Variants in UGP2 observed in about 807,000 individuals in gnomAD.
UGP2 encodes the protein UDP-glucose pyrophosphorylase 2.
UGP2 carries 40 observed loss-of-function variants against 49.0 expected under a neutral mutation model. The ratio of observed to expected loss-of-function variants is 0.82; its 90% confidence interval spans 0.63 to 1.06. The LOEUF is 1.06. UGP2 is among the 50% of genes least tolerant of loss of function. The probability of loss-of-function intolerance (pLI) is 0.00; values close to 1 mark genes in which losing one functional copy is unlikely to be tolerated. For synonymous variants in UGP2, 225 were observed against 213.0 expected (o/e 1.06, Z -0.49); for missense variants, 460 against 603.5 (o/e 0.76, Z 2.49).
At chr2:63,856,252 G>C (rs1669408161) in intron 1 of UGP2, 54 bp from the exon 2 acceptor site, 13 of 1,585,408 alleles carry the variant, frequency 8.2e-6, no homozygotes, top group Middle Eastern at 1.7e-4. Context: ...CTTACCAGCT[G>C]TTTGAATGGC....
intron 1 of UGP2, among the ~76,000 whole-genome samples, chr2:63,853,058 A>T (rs764009607): frequency 1.2e-4 from 18 of 152,126 alleles, no homozygotes; most frequent in Non-Finnish European, 2.4e-4. Context: ...GGAGAGTGGC[A>T]TGAGAATTGA....
At chr2:63,872,534 G>C (rs1670626147) in intron 3 of UGP2, among the ~76,000 whole-genome samples, 2 of 152,128 alleles carry the variant, frequency 1.3e-5, no homozygotes. Context: ...TAAATAATTT[G>C]CCATAGTAAG....
intron 3 of UGP2, among the ~76,000 whole-genome samples, chr2:63,873,665 T>C (rs766584222): frequency 5.3e-5 from 8 of 151,866 alleles, no homozygotes; most frequent in Non-Finnish European, 1.2e-4. Context: ...GCAAGAGATG[T>C]GGTATGTTAG....
chr2:63,863,052 G>T (rs547722551), intron 3 of UGP2: 124 of 307,614 alleles, frequency 4.0e-4, no homozygotes, highest in African/African-American at 2.4e-3. Context: ...AGCTGATAAG[G>T]ATATGGGTCA....
At chr2:63,886,635 C>G (rs919309679) in intron 7 of UGP2, 97 bp downstream of exon 7, 52 of 1,345,610 alleles carry the variant, frequency 3.9e-5, no homozygotes, top group Non-Finnish European at 5.2e-5. Flanking sequence ...CCCATCTATT[C>G]CATTGGTCAC....
At chr2:63,864,198 T>C (rs1222193660) in intron 3 of UGP2, among the ~76,000 whole-genome samples, 4 of 152,170 alleles carry the variant, frequency 2.6e-5, no homozygotes, top group African/African-American at 9.7e-5. Context: ...CATTTAATAT[T>C]CATAACAGAC....
intron 1 of UGP2, among the ~76,000 whole-genome samples, chr2:63,842,916 CGGTGTACTCACTGAAATT>C (rs1671670458): frequency 6.6e-6 from 1 of 152,148 alleles, no homozygotes; most frequent in African/African-American, 2.4e-5. Flanking sequence ...CATGTGTGTA[CGGTGTACTCACTGAAATT>C]GGTGCTGGCA....
rs888512201 is a variant in UGP2 at position 63,856,564 on chromosome 2, A to T, written c.147+131A>T. The stretch of plus-strand genomic sequence containing the variant: ...AGATGTACGATAACATCAAAAACAA[A>T]AAAATTAGAATTGCTTAACAATTAC... On this transcript the variant is annotated intron_variant, in intron 2 of 9. Transcript: ENST00000337130. 1.2e-5 allele frequency: 12 copies of T among 1,035,334 alleles called. No homozygotes were observed. The African/African-American group carries it at 1.9e-4, about 17-fold the overall frequency. 64.1% of individuals were successfully genotyped at this position (1,035,334 alleles called of 1,614,324 possible).
chr2:63,851,301 G>A (rs1173679460), intron 1 of UGP2, among the ~76,000 whole-genome samples: 2 of 152,146 alleles, frequency 1.3e-5, no homozygotes, highest in South Asian at 2.1e-4. Flanking sequence ...ATGACATAAT[G>A]TAGTTTTTTC....
intron 3 of UGP2, among the ~76,000 whole-genome samples, chr2:63,869,245 C>T (rs1403683646): frequency 5.9e-5 from 9 of 152,136 alleles, no homozygotes; most frequent in Non-Finnish European, 1.3e-4. Context: ...GTAGAGAAGG[C>T]GTCTCTAAGT....
At chr2:63,849,894 T>A (rs1668927364) in intron 1 of UGP2, among the ~76,000 whole-genome samples, 1 of 152,232 alleles carries the variant, frequency 6.6e-6, no homozygotes, top group South Asian at 2.1e-4. Context: ...AAAGTTTCTC[T>A]AAATGCACAC....
At chr2:63,880,305 C>G (rs1671214870) in intron 3 of UGP2, among the ~76,000 whole-genome samples, 1 of 151,992 alleles carries the variant, frequency 6.6e-6, no homozygotes, top group Non-Finnish European at 1.5e-5. Context: ...TCCTGGGTAG[C>G]TGGGACTACA....
At chr2:63,874,854 C>G (rs1670809054) in intron 3 of UGP2, among the ~76,000 whole-genome samples, 2 of 151,880 alleles carry the variant, frequency 1.3e-5, no homozygotes, top group Admixed American at 1.3e-4. Context: ...CAGCTCCCCT[C>G]TGCCTTCCAC....
At chr2:63,866,412 T>A (rs1670191135) in intron 3 of UGP2, among the ~76,000 whole-genome samples, 1 of 152,064 alleles carries the variant, frequency 6.6e-6, no homozygotes, top group Admixed American at 6.5e-5. Flanking sequence ...TTCTAAATAA[T>A]TAAATAAGTG....
chr2:63,873,080 C>T (rs1167803236), intron 3 of UGP2, among the ~76,000 whole-genome samples: 2 of 152,180 alleles, frequency 1.3e-5, no homozygotes, highest in African/African-American at 4.8e-5. Flanking sequence ...TTCAAAGATA[C>T]AGGACACACA....
intron 1 of UGP2, among the ~76,000 whole-genome samples, chr2:63,845,100 T>C (rs1211155856): frequency 6.6e-6 from 1 of 152,246 alleles, no homozygotes; most frequent in Non-Finnish European, 1.5e-5. Flanking sequence ...TTCCATCTAC[T>C]ATTTAGTAGC....
intron 1 of UGP2, chr2:63,842,526 GGTCTGT>G: frequency 6.5e-7 from 1 of 1,533,682 alleles, no homozygotes; most frequent in Non-Finnish European, 8.7e-7. Flanking sequence ...CTCTTTTCCT[GGTCTGT>G]GTCAAGGTAC....
intron 3 of UGP2, among the ~76,000 whole-genome samples, chr2:63,868,997 A>G (rs910177542): frequency 4.0e-5 from 6 of 151,780 alleles, no homozygotes; most frequent in African/African-American, 1.5e-4. Context: ...ATCAATTTGC[A>G]CTCCCATTCA....
intron 8 of UGP2, 152 bp downstream of exon 8, chr2:63,887,796 A>G: frequency 2.0e-6 from 2 of 1,013,260 alleles, no homozygotes; most frequent in Non-Finnish European, 2.8e-6. Flanking sequence ...AATTGACCAT[A>G]GAAGATAAAT....
Sources: allele counts gnomAD v4.1 joint callset (sites outside exome capture counted in the v4.1 genomes callset), GRCh38; gene constraint gnomAD v4.1.1; transcripts MANE v1.5; gene names NCBI Gene and HGNC (gene_info 2026-07-23, HGNC 2026-07-21).